The following GAS2L3 variants were observed in gnomAD, a reference collection of about 807,000 sequenced individuals.
GAS2L3 encodes growth arrest specific 2 like 3.
A neutral mutation model predicts 37.0 loss-of-function variants in GAS2L3; 28 were observed. The ratio of observed to expected loss-of-function variants is 0.76; its 90% CI spans 0.56 to 1.04. GAS2L3 has a LOEUF of 1.04. Among genes scored for constraint, GAS2L3 ranks in the 50% least tolerant of loss-of-function variants. GAS2L3 has a pLI of 0.00. For synonymous variants in GAS2L3, 290 were observed against 296.6 expected (o/e 0.98, Z 0.23); for missense variants, 793 against 817.6 (o/e 0.97, Z 0.37).
chr12:100,580,394 C>T (rs1955695789), intron 1 of GAS2L3, among the ~76,000 whole-genome samples: 1 of 152,056 alleles, frequency 6.6e-6, no homozygotes, highest in Admixed American at 6.5e-5. Flanking sequence ...GTGTAGAAAC[C>T]TTGCACTTAT....
chr12:100,577,182 G>T (rs1225422870), intron 1 of GAS2L3, among the ~76,000 whole-genome samples: 1 of 152,160 alleles, frequency 6.6e-6, no homozygotes, highest in Non-Finnish European at 1.5e-5. Context: ...TTTCATATCA[G>T]TGCATATAGC....
chr12:100,596,108 A>G (rs1195732062), intron 3 of GAS2L3, among the ~76,000 whole-genome samples: 3 of 152,020 alleles, frequency 2.0e-5, no homozygotes, highest in Non-Finnish European at 2.9e-5. Context: ...ATACAGTTCC[A>G]TCATACTTTT....
chr12:100,592,200 C>T (rs1046839072), intron 2 of GAS2L3, among the ~76,000 whole-genome samples: 1 of 152,094 alleles, frequency 6.6e-6, no homozygotes, highest in African/African-American at 2.4e-5. Flanking sequence ...TCAGTAGTAA[C>T]CGCGATCTCA....
chr12:100,624,422 A>G lies in GAS2L3; in HGVS notation c.1617A>G (p.Pro539=). The G allele has an allele frequency of 6.2e-7, 1 of 1,614,062 alleles. No homozygotes were observed. The highest frequency in any genetic ancestry group is 1.3e-5 in the African/African-American group (1 of 75,036). ...CGGGTCTAGGAACACAGTCTCAACC[A>G]TCCGATGGAGCCCCACAAGCAAAGC... ...IATGLGTQSQ[P]SDGAPQAKPV... is the part of the protein sequence containing the mutation. The change falls in exon 10 of 10, where the codon CCA becomes CCG. Residue 539 remains proline, a synonymous_variant. Transcript: ENST00000547754.
chr12:100,578,014 C>G (rs1955659968), intron 1 of GAS2L3, among the ~76,000 whole-genome samples: 1 of 152,148 alleles, frequency 6.6e-6, no homozygotes, highest in South Asian at 2.1e-4. Context: ...ACTGGGCAAC[C>G]ATTAAGGGTT....
intron 5 of GAS2L3, among the ~76,000 whole-genome samples, chr12:100,607,396 G>T (rs561694379): frequency 5.3e-4 from 81 of 152,158 alleles, no homozygotes; most frequent in African/African-American, 1.9e-3. Flanking sequence ...ATGTCTTGAG[G>T]TAGTGTTCTT....
chr12:100,607,777 T>C (rs1454577880), intron 5 of GAS2L3, among the ~76,000 whole-genome samples: 1 of 152,104 alleles, frequency 6.6e-6, no homozygotes, highest in East Asian at 1.9e-4. Context: ...TTCTTTTAAA[T>C]AATTTCAGTC....
At chr12:100,603,449 T>A (rs1348049407) in intron 5 of GAS2L3, among the ~76,000 whole-genome samples, 1 of 152,204 alleles carries the variant, frequency 6.6e-6, no homozygotes, top group African/African-American at 2.4e-5. Flanking sequence ...TTGAGAAATG[T>A]CTATTCAAAT....
chr12:100,600,365 A>AT lies in GAS2L3; in HGVS notation c.19-7dup, dbSNP rs551783606. On this transcript the variant is annotated splice_polypyrimidine_tract_variant and intron_variant, in intron 3 of 9. Coordinates refer to ENST00000547754, the MANE Select transcript of GAS2L3 (RefSeq NM_174942.3). ...AAGGTTTTATTCATTCAGTTGATTG[A>AT]TTTTTTTTTTCTTTAGGTATGGTTT... 0.026 allele frequency: 36,013 copies of AT among 1,374,698 alleles called. 152 individuals carry two copies. The highest frequency in any genetic ancestry group is 0.03 in the Non-Finnish European group (29,949 of 1,012,092). The allele number at this position is 1,374,698 out of a possible 1,614,324, so 85.2% of individuals were successfully genotyped here.
chr12:100,619,452 TAATG>T (rs1956227472), intron 8 of GAS2L3, among the ~76,000 whole-genome samples: 1 of 152,068 alleles, frequency 6.6e-6, no homozygotes, highest in East Asian at 1.9e-4. Flanking sequence ...AATTAAGAAA[TAATG>T]AATAAATCAT....
intron 5 of GAS2L3, among the ~76,000 whole-genome samples, chr12:100,610,097 G>A (rs1329211104): frequency 6.6e-6 from 1 of 152,182 alleles, no homozygotes; most frequent in Non-Finnish European, 1.5e-5. Context: ...AATGGCGTAG[G>A]TTTGTATGCG....
intron 1 of GAS2L3, among the ~76,000 whole-genome samples, chr12:100,587,206 A>T (rs990635726): frequency 6.6e-6 from 1 of 152,214 alleles, no homozygotes; most frequent in African/African-American, 2.4e-5. Context: ...AGAAAGAAGG[A>T]ACCCTCCCCA....
intron 1 of GAS2L3, among the ~76,000 whole-genome samples, chr12:100,588,628 G>A (rs960161256): frequency 6.6e-6 from 1 of 152,100 alleles, no homozygotes; most frequent in Non-Finnish European, 1.5e-5. Context: ...TTACCAGGGC[G>A]GAGTTTTTTC....
intron 6 of GAS2L3, among the ~76,000 whole-genome samples, chr12:100,612,729 A>G (rs1014786809): frequency 2.6e-5 from 4 of 152,292 alleles, no homozygotes; most frequent in Non-Finnish European, 5.9e-5. Context: ...GCATTTATAT[A>G]TGTGTACATA....
chr12:100,614,617 C>T (rs761235566), intron 6 of GAS2L3, among the ~76,000 whole-genome samples: 8 of 152,160 alleles, frequency 5.3e-5, no homozygotes, highest in Non-Finnish European at 7.3e-5. Context: ...CTATGTTGTA[C>T]AATCATTACT....
chr12:100,581,723 TCA>T (rs751707142), intron 1 of GAS2L3, among the ~76,000 whole-genome samples: 1 of 152,178 alleles, frequency 6.6e-6, no homozygotes, highest in Non-Finnish European at 1.5e-5. Context: ...GTGTAGGAAC[TCA>T]CATATAAACA....
intron 1 of GAS2L3, among the ~76,000 whole-genome samples, chr12:100,576,104 A>G (rs920272010): frequency 6.6e-6 from 1 of 152,210 alleles, no homozygotes; most frequent in African/African-American, 2.4e-5. Context: ...TGATGTTTGG[A>G]GAATGGCCAC....
At chr12:100,584,161 A>T (rs1416614409) in intron 1 of GAS2L3, among the ~76,000 whole-genome samples, 3 of 152,216 alleles carry the variant, frequency 2.0e-5, no homozygotes, top group South Asian at 2.1e-4. Context: ...TTGGCTAAGC[A>T]GTGTATAGGA....
At chr12:100,598,060 C>T (rs886195946) in intron 3 of GAS2L3, among the ~76,000 whole-genome samples, 2 of 151,924 alleles carry the variant, frequency 1.3e-5, no homozygotes, top group Admixed American at 1.3e-4. Flanking sequence ...GAGGAAGTGG[C>T]GACTCTAATG....
Sources: gnomAD v4.1 joint callset for allele counts (sites outside exome capture counted in the v4.1 genomes callset) on GRCh38, gnomAD v4.1.1 for gene constraint, MANE v1.5 for transcripts, NCBI Gene and HGNC (gene_info 2026-07-23, HGNC 2026-07-21) for gene names.